STK32B: variants seen among roughly 807,000 people sequenced by gnomAD.
The protein encoded by STK32B is serine/threonine-protein kinase 32B.
STK32B carries 43 observed loss-of-function variants against 52.6 expected under a neutral mutation model. The ratio of observed to expected loss-of-function variants is 0.82; its 90% CI spans 0.64 to 1.05. STK32B has a LOEUF of 1.05. Among genes scored for constraint, STK32B ranks in the 50% least tolerant of loss-of-function variants. The probability of loss-of-function intolerance (pLI) is 0.00; values close to 1 mark genes in which losing one functional copy is unlikely to be tolerated. For missense variants in STK32B, 621 were observed against 534.6 expected (o/e 1.16, Z -1.59); for synonymous variants, 238 against 204.3 (o/e 1.17, Z -1.41).
chr4:5,255,824 C>T (rs2108838273), intron 3 of STK32B, among the ~76,000 whole-genome samples: 1 of 152,230 alleles, frequency 6.6e-6, no homozygotes, highest in Non-Finnish European at 1.5e-5. Flanking sequence ...AATCATTCTA[C>T]TGCTGTTGGA....
At chr4:5,435,507 A>C (rs948642179) in intron 6 of STK32B, among the ~76,000 whole-genome samples, 1 of 152,222 alleles carries the variant, frequency 6.6e-6, no homozygotes, top group Non-Finnish European at 1.5e-5. Context: ...TATAAAGATG[A>C]ATCAGTACTC....
At chr4:5,174,852 T>C (rs1000368679) in intron 3 of STK32B, among the ~76,000 whole-genome samples, 75 of 152,228 alleles carry the variant, frequency 4.9e-4, no homozygotes, top group Admixed American at 8.5e-4. Context: ...TTGGCCTGCC[T>C]TGCTAGATTG....
Position 5,295,355 on chromosome 4 carries a change from T to C in STK32B, c.261-35865T>C, listed in dbSNP as rs144130428. 1.3e-3 allele frequency among the ~76,000 whole-genome samples: 191 copies of C among 152,238 alleles called. 1 individual carries two copies. The highest frequency in any genetic ancestry group is 2.2e-3 in the Non-Finnish European group (152 of 67,984). On this transcript the variant is annotated intron_variant, in intron 3 of 11. Coordinates refer to ENST00000282908, the MANE Select transcript of STK32B (RefSeq NM_018401.3). ...ATAGTTTCAGAAGGAATGGTACCAG[T>C]TCCTTTTTATACCTCTGGTATAATT...
At chr4:5,478,616 ATGT>A (rs1243341028) in intron 11 of STK32B, among the ~76,000 whole-genome samples, 4 of 152,346 alleles carry the variant, frequency 2.6e-5, no homozygotes, top group African/African-American at 9.6e-5. Context: ...GACTGGAAAG[ATGT>A]TGTATTAGAG....
chr4:5,183,042 T>G (rs370833554), intron 3 of STK32B, among the ~76,000 whole-genome samples: 28 of 152,156 alleles, frequency 1.8e-4, no homozygotes, highest in African/African-American at 6.8e-4. Context: ...GTTGTTCCAT[T>G]TATAGAATAC....
At chr4:5,274,268 T>C (rs576409704) in intron 3 of STK32B, among the ~76,000 whole-genome samples, 3 of 152,204 alleles carry the variant, frequency 2.0e-5, no homozygotes, top group Admixed American at 6.5e-5. Flanking sequence ...CAGTGTAGTA[T>C]TGGTGCCGAG....
chr4:5,243,236 T>C (rs1226513356), intron 3 of STK32B, among the ~76,000 whole-genome samples: 3 of 152,240 alleles, frequency 2.0e-5, no homozygotes, highest in African/African-American at 4.8e-5. Context: ...CATTTGTTTG[T>C]ATCCTCTTTC....
chr4:5,385,473 C>G (rs1373393575), intron 4 of STK32B, among the ~76,000 whole-genome samples: 1 of 148,138 alleles, frequency 6.8e-6, no homozygotes, highest in African/African-American at 2.5e-5. Context: ...TGGCGTTTGG[C>G]TGGGGGTTCT....
intron 3 of STK32B, among the ~76,000 whole-genome samples, chr4:5,293,528 C>T (rs569229054): frequency 6.6e-6 from 1 of 152,148 alleles, no homozygotes; most frequent in South Asian, 2.1e-4. Flanking sequence ...ATTTGTATTT[C>T]TCTAATGACC....
At chr4:5,323,386 G>A (rs1731652522) in intron 3 of STK32B, among the ~76,000 whole-genome samples, 2 of 152,088 alleles carry the variant, frequency 1.3e-5, no homozygotes, top group South Asian at 2.1e-4. Context: ...AGGGGAGCCC[G>A]AGGGGACTGT....
At chr4:5,019,512 C>A in the STK32B span, 1 of 1,378,458 alleles carries the variant, frequency 7.3e-7, no homozygotes, top group Non-Finnish European at 9.3e-7. Context: ...TCCAGGGCGG[C>A]TCCACGCCTC....
chr4:5,030,900 CAT>C, the STK32B span, among the ~76,000 whole-genome samples: 569 of 152,254 alleles, frequency 3.7e-3, 3 homozygotes, highest in African/African-American at 0.013. Context: ...CACACACACA[CAT>C]CTATACATAT....
chr4:5,133,931 C>T (rs1363350943), intron 1 of STK32B, among the ~76,000 whole-genome samples: 1 of 152,202 alleles, frequency 6.6e-6, no homozygotes, highest in Non-Finnish European at 1.5e-5. Flanking sequence ...CTCAGGTTCA[C>T]ACTGACTCAA....
chr4:5,360,953 C>T (rs780181117), intron 4 of STK32B, among the ~76,000 whole-genome samples: 2 of 152,158 alleles, frequency 1.3e-5, no homozygotes, highest in Admixed American at 1.3e-4. Context: ...TTTGCAAAAC[C>T]GAAATTCTGT....
intron 4 of STK32B, among the ~76,000 whole-genome samples, chr4:5,340,787 A>G (rs559097735): frequency 1.3e-5 from 2 of 152,372 alleles, no homozygotes; most frequent in South Asian, 4.1e-4. Flanking sequence ...ATGTGTATAT[A>G]TGCACATGGG....
chr4:5,244,448 C>G (rs1274363095), intron 3 of STK32B, among the ~76,000 whole-genome samples: 2 of 152,076 alleles, frequency 1.3e-5, no homozygotes, highest in African/African-American at 4.8e-5. Flanking sequence ...TTTATTGCAT[C>G]TATTTGATTC....
intron 1 of STK32B, among the ~76,000 whole-genome samples, chr4:5,090,231 A>T (rs897626978): frequency 3.6e-4 from 54 of 151,882 alleles, no homozygotes; most frequent in Non-Finnish European, 6.9e-4. Context: ...CCCATTTGTC[A>T]ATTTTGGCTT....
In STK32B at chr4:5,056,049, C is replaced by T. The variant is rs573228047; in HGVS notation, c.52+4134C>T. Among the ~76,000 whole-genome samples the T allele has an allele frequency of 7.9e-5, 12 of 152,188 alleles. No homozygotes were observed. In the East Asian group the frequency reaches 2.1e-3, roughly 27 times the overall value. The stretch of plus-strand genomic sequence containing the variant: ...TGGGCCATCAGCAGGAGGTGAGTAG[C>T]GAGTGAGGGAGCATTAATGCCTGAG... On this transcript the variant is annotated intron_variant, in intron 1 of 11. Coordinates refer to ENST00000282908, the MANE Select transcript of STK32B (RefSeq NM_018401.3).
intron 3 of STK32B, among the ~76,000 whole-genome samples, chr4:5,225,416 T>A (rs967469042): frequency 6.6e-6 from 1 of 151,872 alleles, no homozygotes; most frequent in Non-Finnish European, 1.5e-5. Flanking sequence ...CGAAAAAAAA[T>A]AAAATAAAAT....
Sources: allele counts gnomAD v4.1 joint callset (sites outside exome capture counted in the v4.1 genomes callset), GRCh38; gene constraint gnomAD v4.1.1; transcripts MANE v1.5; gene names NCBI Gene and HGNC (gene_info 2026-07-23, HGNC 2026-07-21).